The following CNBD1 variants were observed in gnomAD, a reference collection of about 807,000 sequenced individuals.
The protein encoded by CNBD1 is cyclic nucleotide-binding domain-containing protein 1.
CNBD1 carries 71 observed loss-of-function variants against 54.4 expected under a neutral mutation model. That is an observed-to-expected ratio of 1.30 (90% CI 1.08 to 1.59). The LOEUF (loss-of-function observed/expected upper bound fraction) is 1.59, where lower values mean the gene tolerates loss of function less well. CNBD1 is among the 40% of genes most tolerant of loss of function. The probability of loss-of-function intolerance (pLI) is 0.00; values close to 1 mark genes in which losing one functional copy is unlikely to be tolerated. For missense variants in CNBD1, 659 were observed against 518.0 expected (o/e 1.27, Z -2.64); for synonymous variants, 182 against 170.7 (o/e 1.07, Z -0.51).
intron 10 of CNBD1, among the ~76,000 whole-genome samples, chr8:87,356,392 G>A (rs1263490216): frequency 6.6e-6 from 1 of 152,164 alleles, no homozygotes; most frequent in Non-Finnish European, 1.5e-5. Flanking sequence ...AGGCTTATGA[G>A]GCCTTAGATG....
chr8:87,288,137 C>G (rs1009267715), intron 8 of CNBD1, among the ~76,000 whole-genome samples: 3 of 152,048 alleles, frequency 2.0e-5, no homozygotes, highest in Non-Finnish European at 4.4e-5. Context: ...CCCAGTGATT[C>G]AAGTACCTGT....
intron 1 of CNBD1, among the ~76,000 whole-genome samples, chr8:86,881,499 C>A (rs1808605677): frequency 6.6e-6 from 1 of 152,106 alleles, no homozygotes; most frequent in Non-Finnish European, 1.5e-5. Flanking sequence ...CTATAAACAA[C>A]TGCTCAAATA....
At chr8:87,378,286 G>A (rs1421886715) in intron 10 of CNBD1, among the ~76,000 whole-genome samples, 1 of 145,568 alleles carries the variant, frequency 6.9e-6, no homozygotes, top group Non-Finnish European at 1.5e-5. Context: ...TATGGTTTTA[G>A]GACTAACGTT....
chr8:86,880,393 G>A (rs562200868), intron 1 of CNBD1, among the ~76,000 whole-genome samples: 38 of 152,120 alleles, frequency 2.5e-4, no homozygotes, highest in African/African-American at 8.2e-4. Context: ...AAACAATACA[G>A]TATAACACTA....
chr8:87,344,716 T>A (rs1293698658), intron 8 of CNBD1, among the ~76,000 whole-genome samples: 1 of 152,114 alleles, frequency 6.6e-6, no homozygotes, highest in Non-Finnish European at 1.5e-5. Flanking sequence ...AACAAAAAAA[T>A]TACTCATACT....
At chr8:86,936,280 AT>A (rs1197224326) in intron 3 of CNBD1, among the ~76,000 whole-genome samples, 2 of 152,174 alleles carry the variant, frequency 1.3e-5, no homozygotes, top group Non-Finnish European at 2.9e-5. Flanking sequence ...AAGGGAAAAA[AT>A]TTTTCTATGC....
intron 4 of CNBD1, among the ~76,000 whole-genome samples, chr8:86,954,587 T>C (rs1238038542): frequency 2.0e-5 from 3 of 152,234 alleles, no homozygotes; most frequent in Non-Finnish European, 2.9e-5. Context: ...TCCGTGTTCT[T>C]ATATTCTTTT....
intron 4 of CNBD1, among the ~76,000 whole-genome samples, chr8:87,160,766 A>AT (rs761285901): frequency 1.4e-4 from 21 of 152,176 alleles, no homozygotes; most frequent in Admixed American, 8.5e-4. Flanking sequence ...CATTTATACT[A>AT]TTTTTAAAAA....
chr8:87,414,085 C>T (rs867908112), intron 2 of CNBD1, among the ~76,000 whole-genome samples: 61 of 151,984 alleles, frequency 4.0e-4, no homozygotes, highest in South Asian at 1.0e-3. Context: ...ATGTTTATTG[C>T]GGCACTATTC....
rs1481213456 is a variant in CNBD1, at chr8:87,228,397, G to T, written c.578-8522G>T. Among the ~76,000 whole-genome samples, 126 of 148,906 alleles carry T rather than the reference G, an allele frequency of 8.5e-4. 1 individual carries two copies. The highest frequency in any genetic ancestry group is 1.5e-3 in the Non-Finnish European group (102 of 67,588). On this transcript the variant is annotated intron_variant, in intron 5 of 10. Coordinates refer to ENST00000518476, the MANE Select transcript of CNBD1 (RefSeq NM_173538.3). ...TTATCTACTTTTGGTCTTTGATGAT[G>T]GTGATGTACAGATGGGTTTTTGGTG...
At chr8:87,172,640 T>G (rs1173166452) in intron 4 of CNBD1, among the ~76,000 whole-genome samples, 2 of 152,130 alleles carry the variant, frequency 1.3e-5, no homozygotes, top group Non-Finnish European at 2.9e-5. Flanking sequence ...CTTCTTTGTC[T>G]CTTGTATTTT....
intron 4 of CNBD1, among the ~76,000 whole-genome samples, chr8:87,165,704 C>G (rs1812947747): frequency 6.6e-6 from 1 of 151,870 alleles, no homozygotes; most frequent in Non-Finnish European, 1.5e-5. Flanking sequence ...TGATCAGCCA[C>G]TCTGTGTACC....
intron 4 of CNBD1, among the ~76,000 whole-genome samples, chr8:86,995,959 A>G (rs1808861476): frequency 6.6e-6 from 1 of 152,156 alleles, no homozygotes. Flanking sequence ...TTCTTGCCAA[A>G]TAAGTCTAAA....
At chr8:86,904,787 A>G (rs1808990865) in intron 2 of CNBD1, among the ~76,000 whole-genome samples, 1 of 152,134 alleles carries the variant, frequency 6.6e-6, no homozygotes, top group African/African-American at 2.4e-5. Flanking sequence ...GTAGTACATT[A>G]TATAAAACTT....
At chr8:87,255,173 C>T (rs1472562754) in intron 6 of CNBD1, among the ~76,000 whole-genome samples, 1 of 151,848 alleles carries the variant, frequency 6.6e-6, no homozygotes, top group Non-Finnish European at 1.5e-5. Flanking sequence ...ATGTCATCTA[C>T]CTTATGGATT....
chr8:86,997,579 A>G (rs1022227535), intron 4 of CNBD1, among the ~76,000 whole-genome samples: 1 of 152,160 alleles, frequency 6.6e-6, no homozygotes, highest in Non-Finnish European at 1.5e-5. Context: ...CCTACTGGAC[A>G]TGAAATAGGG....
chr8:87,318,697 G>T (rs527561456), intron 8 of CNBD1, among the ~76,000 whole-genome samples: 2 of 151,906 alleles, frequency 1.3e-5, no homozygotes, highest in African/African-American at 4.8e-5. Context: ...TCAGAGGAAG[G>T]AAGGAGATGG....
chr8:87,099,105 A>T (rs1053278761), intron 4 of CNBD1, among the ~76,000 whole-genome samples: 1 of 151,938 alleles, frequency 6.6e-6, no homozygotes, highest in Non-Finnish European at 1.5e-5. Context: ...CCACTGTGAA[A>T]AGACAACCTC....
At chr8:87,213,275 C>G (rs553429266) in intron 5 of CNBD1, among the ~76,000 whole-genome samples, 1 of 152,186 alleles carries the variant, frequency 6.6e-6, no homozygotes, top group Non-Finnish European at 1.5e-5. Context: ...CTTTGTAAAA[C>G]ACTTTGGCAA....
Sources: gnomAD v4.1 joint callset for allele counts (sites outside exome capture counted in the v4.1 genomes callset) on GRCh38, gnomAD v4.1.1 for gene constraint, MANE v1.5 for transcripts, NCBI Gene and HGNC (gene_info 2026-07-23, HGNC 2026-07-21) for gene names.